FRMD4A: variants seen among roughly 807,000 people sequenced by gnomAD.
The protein encoded by FRMD4A is FERM domain-containing protein 4A.
FRMD4A carries 29 observed loss-of-function variants against 129.1 expected under a neutral mutation model. The ratio of observed to expected loss-of-function variants is 0.22; its 90% CI spans 0.17 to 0.31. FRMD4A has a LOEUF of 0.31. FRMD4A is among the 10% of genes least tolerant of loss of function. FRMD4A has a pLI of 1.00. For missense variants in FRMD4A, 1,272 were observed against 1,375.8 expected, an observed-to-expected ratio of 0.92 and a Z score of 1.19; for synonymous variants, 634 against 571.6, an observed-to-expected ratio of 1.11 and a Z score of -1.56.
intron 2 of FRMD4A, among the ~76,000 whole-genome samples, chr10:14,282,008 C>A (rs114375816): frequency 0.01 from 1,570 of 152,192 alleles, 21 homozygotes; most frequent in African/African-American, 0.036. Context: ...GGAGGCCTCA[C>A]AATCATGGTG....
chr10:14,138,409 T>C (rs1839655229), intron 2 of FRMD4A, among the ~76,000 whole-genome samples: 1 of 152,166 alleles, frequency 6.6e-6, no homozygotes, highest in South Asian at 2.1e-4. Flanking sequence ...GCAAAATAAA[T>C]AAATTCAACC....
At chr10:13,738,744 C>CCAAGTAGCTGGGATTACAGGCACGTGCCA (rs2090802636) in intron 11 of FRMD4A, among the ~76,000 whole-genome samples, 1 of 152,160 alleles carries the variant, frequency 6.6e-6, no homozygotes, top group Admixed American at 6.5e-5. Flanking sequence ...CCTCAGCCTC[C>CCAAGTAGCTGGGATTACAGGCACGTGCCA]CAAGTAGCTG....
At chr10:14,162,247 T>A (rs1840928534) in intron 2 of FRMD4A, among the ~76,000 whole-genome samples, 1 of 152,176 alleles carries the variant, frequency 6.6e-6, no homozygotes, top group Non-Finnish European at 1.5e-5. Flanking sequence ...AGACAAGGCA[T>A]CTCTAACTGA....
intron 2 of FRMD4A, among the ~76,000 whole-genome samples, chr10:14,008,870 A>G (rs1019548456): frequency 6.6e-6 from 1 of 152,222 alleles, no homozygotes; most frequent in Non-Finnish European, 1.5e-5. Flanking sequence ...GGTATTACTC[A>G]CTGTATATGT....
intron 2 of FRMD4A, among the ~76,000 whole-genome samples, chr10:14,209,885 C>G (rs1421943338): frequency 6.6e-6 from 1 of 151,924 alleles, no homozygotes; most frequent in African/African-American, 2.4e-5. Context: ...GAGACCCTGT[C>G]CCAAAAGAAA....
At chr10:14,329,489 C>G (rs1178238120) in intron 2 of FRMD4A, among the ~76,000 whole-genome samples, 9 of 152,198 alleles carry the variant, frequency 5.9e-5, no homozygotes, top group Admixed American at 5.9e-4. Context: ...AGATAAATGC[C>G]TGGACAAGTC....
chr10:14,196,680 T>C (rs959705315), intron 2 of FRMD4A, among the ~76,000 whole-genome samples: 1 of 152,206 alleles, frequency 6.6e-6, no homozygotes, highest in Admixed American at 6.5e-5. Flanking sequence ...CTTTACATTG[T>C]TTGGTGTTGG....
chr10:14,032,771 T>C (rs1376004206), intron 2 of FRMD4A, among the ~76,000 whole-genome samples: 1 of 152,202 alleles, frequency 6.6e-6, no homozygotes, highest in Non-Finnish European at 1.5e-5. Context: ...CCAGCATCCC[T>C]GGACTGCACT....
intron 2 of FRMD4A, among the ~76,000 whole-genome samples, chr10:14,017,003 C>T (rs7923422): frequency 0.021 from 3,183 of 152,272 alleles, 112 homozygotes; most frequent in African/African-American, 0.073. Flanking sequence ...TGCCTCCACA[C>T]GAAGGTCCTT....
At position 14,140,222 on chromosome 10, in the gene FRMD4A, T is replaced by C. The variant is rs928772879; in HGVS notation, c.45+189836A>G. 2.6e-5 allele frequency among the ~76,000 whole-genome samples: 4 copies of C among 152,110 alleles called. No homozygotes were observed. The South Asian group carries it at 8.3e-4, about 32-fold the overall frequency. ...GACTACAGGCGCACACCACCACACC[T>C]GGCTAATCTTCGTATTTTTTAGCAG... On this transcript the variant is annotated intron_variant, in intron 2 of 24. Transcript: ENST00000357447.
intron 2 of FRMD4A, among the ~76,000 whole-genome samples, chr10:13,882,805 GGTT>G (rs146499126): frequency 0.52 from 50,002 of 95,622 alleles, 7,930 homozygotes; most frequent in East Asian, 0.6. Context: ...ATAATTTTTT[GGTT>G]TTTTTTTTTT....
chr10:14,213,914 G>A (rs755226044), intron 2 of FRMD4A, among the ~76,000 whole-genome samples: 13 of 152,248 alleles, frequency 8.5e-5, no homozygotes, highest in South Asian at 2.1e-4. Context: ...CTTGGGTTTC[G>A]TTCTCTCTTA....
intron 2 of FRMD4A, among the ~76,000 whole-genome samples, chr10:14,057,354 C>T (rs1195831238): frequency 6.6e-6 from 1 of 152,198 alleles, no homozygotes; most frequent in African/African-American, 2.4e-5. Context: ...ATAGTATCTT[C>T]ACACATCGTC....
At chr10:14,095,676 T>C (rs1198998868) in intron 2 of FRMD4A, among the ~76,000 whole-genome samples, 1 of 152,198 alleles carries the variant, frequency 6.6e-6, no homozygotes, top group Non-Finnish European at 1.5e-5. Context: ...CTGGATCGAA[T>C]CCACGTTCAA....
Position 13,666,993 on chromosome 10 carries a change from C to A in FRMD4A, c.1375-668G>T, listed in dbSNP as rs146163693. On this transcript the variant is annotated intron_variant, in intron 17 of 24. Coordinates refer to ENST00000357447, the MANE Select transcript of FRMD4A (RefSeq NM_018027.5). ...CTGGTGCAATCTCTGCTCACTGTAA[C>A]CACTGCTTCCCAGGTTCAAATGATT... 5.0e-3 allele frequency among the ~76,000 whole-genome samples: 743 copies of A among 149,772 alleles called. 7 individuals carry two copies. The highest frequency in any genetic ancestry group is 0.018 in the African/African-American group (722 of 40,698).
intron 13 of FRMD4A, 31 bp from the exon 14 acceptor site, chr10:13,701,509 C>A: frequency 6.2e-7 from 1 of 1,600,520 alleles, no homozygotes; most frequent in Non-Finnish European, 8.5e-7. Flanking sequence ...AGGTTCAATC[C>A]CATTTCTGTT....
intron 2 of FRMD4A, among the ~76,000 whole-genome samples, chr10:13,971,478 C>T (rs2095517805): frequency 6.6e-6 from 1 of 152,168 alleles, no homozygotes; most frequent in African/African-American, 2.4e-5. Context: ...ACGTGGCGCA[C>T]CGTATGGCAC....
chr10:14,132,147 G>T (rs11258883), intron 2 of FRMD4A, among the ~76,000 whole-genome samples: 1 of 151,944 alleles, frequency 6.6e-6, no homozygotes, highest in Non-Finnish European at 1.5e-5. Flanking sequence ...TTAGCTGGGC[G>T]TGGTGGCACT....
intron 4 of FRMD4A, among the ~76,000 whole-genome samples, chr10:13,804,543 C>CTTTA (rs751791428): frequency 1.3e-3 from 192 of 151,336 alleles, no homozygotes; most frequent in African/African-American, 4.3e-3. Context: ...TTCTTTCTTT[C>CTTTA]TTTATTTCTT....
Sources: allele counts gnomAD v4.1 joint callset (sites outside exome capture counted in the v4.1 genomes callset), GRCh38; gene constraint gnomAD v4.1.1; transcripts MANE v1.5; gene names NCBI Gene and HGNC (gene_info 2026-07-23, HGNC 2026-07-21).